Variants in EYS observed in about 807,000 individuals in gnomAD.
EYS encodes the protein EGF-like photoreceptor maintenance factor, also known as protein eyes shut homolog.
EYS carries 250 observed loss-of-function variants against 282.1 expected under a neutral mutation model. The ratio of observed to expected loss-of-function variants is 0.89; its 90% CI spans 0.80 to 0.98. The LOEUF is 0.98. EYS is among the 50% of genes least tolerant of loss of function. The pLI is 0.00. For missense variants in EYS, 4,016 were observed against 3,709.0 expected, an observed-to-expected ratio of 1.08 and a Z score of -2.15; for synonymous variants, 1,355 against 1,282.9, an observed-to-expected ratio of 1.06 and a Z score of -1.20.
At chr6:64,685,887 C>A (rs967290509) in intron 22 of EYS, among the ~76,000 whole-genome samples, 1 of 151,968 alleles carries the variant, frequency 6.6e-6, no homozygotes, top group African/African-American at 2.4e-5. Flanking sequence ...AGGGTGATAA[C>A]ATGCTGGGCT....
intron 30 of EYS, among the ~76,000 whole-genome samples, chr6:64,238,289 C>A (rs970628735): frequency 6.6e-6 from 1 of 152,108 alleles, no homozygotes; most frequent in African/African-American, 2.4e-5. Flanking sequence ...GCATTGCAGA[C>A]CGCTGTTTCA....
intron 33 of EYS, among the ~76,000 whole-genome samples, chr6:64,024,848 C>T (rs866707206): frequency 1.8e-4 from 28 of 152,072 alleles, no homozygotes; most frequent in Non-Finnish European, 2.8e-4. Context: ...AACAAACTCC[C>T]GACGCGCCAC....
chr6:64,524,786 T>C (rs897511091), intron 26 of EYS, among the ~76,000 whole-genome samples: 4 of 151,774 alleles, frequency 2.6e-5, no homozygotes, highest in African/African-American at 9.7e-5. Flanking sequence ...TGCAAGTGTG[T>C]GGCCTTATTT....
chr6:65,388,392 A>G (rs978447430), intron 7 of EYS, among the ~76,000 whole-genome samples: 1 of 152,002 alleles, frequency 6.6e-6, no homozygotes, highest in Non-Finnish European at 1.5e-5. Flanking sequence ...TAATTAATAA[A>G]TTAAAACCGA....
At chr6:65,444,610 T>C (rs1237301079) in intron 5 of EYS, among the ~76,000 whole-genome samples, 4 of 102,014 alleles carry the variant, frequency 3.9e-5, no homozygotes, top group Non-Finnish European at 7.6e-5. Flanking sequence ...TATTGGGTTT[T>C]GTTGTTCTAT....
intron 22 of EYS, chr6:64,728,888 G>C (rs1368370939): frequency 6.6e-6 from 1 of 152,250 alleles, no homozygotes; most frequent in African/African-American, 2.4e-5. Flanking sequence ...GGCTCTCTGT[G>C]GGGAGGGGAG....
At chr6:65,537,769 G>A (rs1014387814) in intron 2 of EYS, among the ~76,000 whole-genome samples, 2 of 152,070 alleles carry the variant, frequency 1.3e-5, no homozygotes, top group Non-Finnish European at 2.9e-5. Flanking sequence ...AATATTCATC[G>A]GATGAGCCAT....
chr6:64,306,933 G>T (rs1296218667), intron 30 of EYS, 37 bp downstream of exon 30: 2 of 952,686 alleles, frequency 2.1e-6, no homozygotes, highest in Admixed American at 2.0e-5. Context: ...GTGGTTATTT[G>T]AACAAGTTAT....
intron 29 of EYS, among the ~76,000 whole-genome samples, chr6:64,333,288 T>C (rs1282886869): frequency 6.6e-6 from 1 of 152,124 alleles, no homozygotes; most frequent in Admixed American, 6.6e-5. Context: ...AAAATGGAAG[T>C]ATTCCCTTAC....
intron 22 of EYS, among the ~76,000 whole-genome samples, chr6:64,798,482 G>T (rs1774428292): frequency 6.6e-6 from 1 of 151,746 alleles, no homozygotes; most frequent in African/African-American, 2.4e-5. Flanking sequence ...TAAAAAGAAA[G>T]CAAGCACATG....
At chr6:64,157,989 C>G (rs947537554) in intron 31 of EYS, among the ~76,000 whole-genome samples, 7 of 152,186 alleles carry the variant, frequency 4.6e-5, no homozygotes, top group African/African-American at 7.2e-5. Flanking sequence ...GGAAAAGCCG[C>G]AGACACTCAA....
chr6:64,110,999 CA>C (rs1773185201), intron 31 of EYS, among the ~76,000 whole-genome samples: 1 of 151,804 alleles, frequency 6.6e-6, no homozygotes, highest in Non-Finnish European at 1.5e-5. Context: ...AGTAGCTGCA[CA>C]GTAGTAGATT....
In EYS at chr6:65,429,107, G is replaced by A. The variant is rs111865131; in HGVS notation, c.863-23740C>T. Among the ~76,000 whole-genome samples, 730 of 152,108 alleles carry A rather than the reference G, an allele frequency of 4.8e-3. 3 individuals are homozygous for A. Among genetic ancestry groups the A allele is most frequent in the Non-Finnish European group, 8.5e-3 (580 of 68,002 alleles). On this transcript the variant is annotated intron_variant, in intron 5 of 42. Coordinates refer to ENST00000503581, the MANE Select transcript of EYS (RefSeq NM_001142800.2). The stretch of plus-strand genomic sequence containing the variant: ...AGGCAGAAGAATTGCTTGAACCCAG[G>A]AGGCGGGGGTTGTAGTGAGTGGAGA...
At chr6:65,525,945 A>T (rs1582415426) in intron 2 of EYS, among the ~76,000 whole-genome samples, 1 of 152,326 alleles carries the variant, frequency 6.6e-6, no homozygotes, top group East Asian at 1.9e-4. Flanking sequence ...GGAGTGTTTT[A>T]GTCCATTTTC....
intron 19 of EYS, among the ~76,000 whole-genome samples, chr6:64,864,391 T>C (rs1766352776): frequency 8.2e-6 from 1 of 121,624 alleles, no homozygotes; most frequent in African/African-American, 3.0e-5. Context: ...CCTTCTTTTT[T>C]TTTTTTTTTT....
At chr6:64,609,221 T>C (rs1767029470) in intron 24 of EYS, among the ~76,000 whole-genome samples, 1 of 152,198 alleles carries the variant, frequency 6.6e-6, no homozygotes, top group African/African-American at 2.4e-5. Context: ...CAGAAAATAG[T>C]TTAAGAAAAA....
intron 22 of EYS, among the ~76,000 whole-genome samples, chr6:64,707,308 T>C (rs1699887499): frequency 6.6e-6 from 1 of 151,960 alleles, no homozygotes; most frequent in South Asian, 2.1e-4. Context: ...GATGCAAAGG[T>C]ATAAGAATAA....
At chr6:65,399,158 CAG>C (rs1766400652) in intron 7 of EYS, among the ~76,000 whole-genome samples, 1 of 152,014 alleles carries the variant, frequency 6.6e-6, no homozygotes, top group African/African-American at 2.4e-5. Context: ...AAAATTGAGT[CAG>C]AGTGATCATT....
In EYS at chr6:64,405,983, A is replaced by C. The variant is rs1404751395; in HGVS notation, c.5928-17143T>G. Among the ~76,000 whole-genome samples the C allele has an allele frequency of 2.0e-5, 3 of 152,332 alleles. No individual in the cohort carries two copies. The East Asian group carries it at 5.8e-4, about 29-fold the overall frequency. Reference sequence around the variant, plus strand: ...CTTTAAATTTCACATGGAACCAAAAAAAAATCCCATATAGCCAAGACAATG... The same window carrying C: ...CTTTAAATTTCACATGGAACCAAAACAAAATCCCATATAGCCAAGACAATG... On this transcript the variant is annotated intron_variant, in intron 28 of 42. Coordinates refer to ENST00000503581, the MANE Select transcript of EYS (RefSeq NM_001142800.2).
Sources: allele counts gnomAD v4.1 joint callset (sites outside exome capture counted in the v4.1 genomes callset), GRCh38; gene constraint gnomAD v4.1.1; transcripts MANE v1.5; gene names NCBI Gene and HGNC (gene_info 2026-07-23, HGNC 2026-07-21).